Variants in ZNF395 observed in about 807,000 individuals in gnomAD.
The protein encoded by ZNF395 is HD gene regulatory region-binding protein 2.
In ZNF395, 20 loss-of-function variants were observed where a neutral mutation model predicts 57.7. The ratio of observed to expected loss-of-function variants is 0.35; its 90% confidence interval spans 0.24 to 0.50. The LOEUF is 0.50. Ranked by LOEUF, ZNF395 falls within the 20% of genes least tolerant of loss-of-function variation. The probability of loss-of-function intolerance (pLI) is 0.97; values close to 1 mark genes in which losing one functional copy is unlikely to be tolerated. For synonymous variants in ZNF395, 295 were observed against 275.9 expected, an observed-to-expected ratio of 1.07 and a Z score of -0.69; for missense variants, 606 against 671.2, an observed-to-expected ratio of 0.90 and a Z score of 1.07.
chr8:28,349,094 A>AGAAGGCAGGG (rs773704945), intron 9 of ZNF395, 31 bp downstream of exon 9: 1 of 1,554,060 alleles, frequency 6.4e-7, no homozygotes, highest in Non-Finnish European at 8.7e-7. Context: ...CACAGAAACC[A>AGAAGGCAGGG]GAAGGCAGGG....
chr8:28,384,501 G>C (rs1020899639), intron 1 of ZNF395, among the ~76,000 whole-genome samples: 7 of 151,994 alleles, frequency 4.6e-5, no homozygotes, highest in African/African-American at 1.7e-4. Context: ...CCCTCTCTTG[G>C]CGTCTGATTT....
chr8:28,371,801 C>T (rs1801979766), intron 1 of ZNF395, among the ~76,000 whole-genome samples: 1 of 152,192 alleles, frequency 6.6e-6, no homozygotes, highest in African/African-American at 2.4e-5. Context: ...GTAATCCCAG[C>T]ACTTTGGGAG....
Position 28,350,074 on chromosome 8 carries a change from G to C in ZNF395, c.1316C>G (p.Ser439Cys), listed in dbSNP as rs1261631905. The C allele has an allele frequency of 3.1e-6, 5 of 1,602,736 alleles. No homozygotes were observed. Among genetic ancestry groups the C allele is most frequent in the Non-Finnish European group, 4.2e-6 (5 of 1,176,754 alleles). The change falls in exon 8 of 10, where the codon TCT becomes TGT. Residue 439 changes from serine to cysteine, a missense_variant. This residue lies in a region of ZNF395 where 261 missense variants were observed against 240.3 expected (regional missense o/e 1.09). Transcript: ENST00000344423. ...SWAAAPSAAC[S>C]LSPVRSRSLS... ...TGCCCGCACACTCACCGGAGAGAGA[G>C]AGCAGGCGGCGGAGGGGGCAGCAGC... is the stretch of plus-strand genomic sequence containing the variant.
Position 28,347,716 on chromosome 8 carries a change from G to A in ZNF395, c.*1003C>T, listed in dbSNP as rs975395166. On this transcript the variant is annotated 3_prime_UTR_variant, in exon 10 of 10. Coordinates refer to ENST00000344423, the MANE Select transcript of ZNF395 (RefSeq NM_018660.3). ...GGGGAAATCCCTGGTGGGGCCAGGA[G>A]ACAGAAAGGAACCTCCAGAACCTCC... is the stretch of plus-strand genomic sequence containing the variant. 2 of 152,294 alleles carry A rather than the reference G, an allele frequency of 1.3e-5. No homozygotes were observed. Among genetic ancestry groups the A allele is most frequent in the African/African-American group, 4.8e-5 (2 of 41,448 alleles). The allele number at this position is 152,294 out of a possible 1,614,324, so 9.4% of individuals were successfully genotyped here.
At chr8:28,382,238 G>T (rs1184567710) in intron 1 of ZNF395, among the ~76,000 whole-genome samples, 1 of 152,090 alleles carries the variant, frequency 6.6e-6, no homozygotes, top group Non-Finnish European at 1.5e-5. Context: ...CTTTAAAAGA[G>T]CTGCAAATCC....
In ZNF395 at chr8:28,374,481, T is replaced by TA. The variant is rs56991995; in HGVS notation, c.-59+11911dup. On this transcript the variant is annotated intron_variant, in intron 1 of 9. Transcript: ENST00000344423. ...GAAATTTTCATTTAAATTTTTTTTT[T>TA]AAAAAGAAAAGAAACAGTCCCTGTT... Among the ~76,000 whole-genome samples the TA allele has an allele frequency of 2.0e-3, 303 of 151,770 alleles. 2 individuals are homozygous for TA. Among genetic ancestry groups the TA allele is most frequent in the African/African-American group, 6.6e-3 (273 of 41,312 alleles).
chr8:28,369,406 C>T (rs760221347), intron 1 of ZNF395, among the ~76,000 whole-genome samples: 22 of 152,152 alleles, frequency 1.4e-4, no homozygotes, highest in Non-Finnish European at 2.6e-4. Context: ...CTGGAATTAA[C>T]ATGTCATAAA....
chr8:28,371,775 G>A (rs1206288893), intron 1 of ZNF395, among the ~76,000 whole-genome samples: 10 of 152,170 alleles, frequency 6.6e-5, no homozygotes, highest in Non-Finnish European at 1.2e-4. Flanking sequence ...CCGGCTGGGC[G>A]CAGTGACTCA....
chr8:28,353,174 T>C lies in ZNF395; in HGVS notation c.818A>G (p.Lys273Arg). The C allele has an allele frequency of 6.2e-7, 1 of 1,613,732 alleles. No individual in the cohort carries two copies. Among genetic ancestry groups the C allele is most frequent in the Non-Finnish European group, 8.5e-7 (1 of 1,179,998 alleles). ...CCCACTCACACCACAATCACGTACCTTTCTTTTTCGTGGAGCTGGTTCGTC... is the reference window on the plus strand; with the variant it reads ...CCCACTCACACCACAATCACGTACCCTTCTTTTTCGTGGAGCTGGTTCGTC... ...LLDEPAPRKR[K>R]NSVKVMYKCL... The change falls in exon 5 of 10, where the codon AAG becomes AGG. Residue 273 changes from lysine to arginine, a missense_variant and splice_region_variant. By Grantham distance (26) the Lys-to-Arg change is conservative. Transcript: ENST00000344423.
At chr8:28,369,024 T>C (rs796289620) in intron 1 of ZNF395, among the ~76,000 whole-genome samples, 5 of 152,094 alleles carry the variant, frequency 3.3e-5, no homozygotes, top group African/African-American at 1.2e-4. Flanking sequence ...TTGGTAGAGA[T>C]GGGGTTTCAC....
chr8:28,383,864 A>T (rs545005302), intron 1 of ZNF395, among the ~76,000 whole-genome samples: 110 of 152,150 alleles, frequency 7.2e-4, no homozygotes, highest in African/African-American at 2.6e-3. Context: ...AGCCACAAGA[A>T]ACTTCTCTAT....
At chr8:28,376,869 A>T (rs968770471) in intron 1 of ZNF395, among the ~76,000 whole-genome samples, 1 of 152,242 alleles carries the variant, frequency 6.6e-6, no homozygotes, top group African/African-American at 2.4e-5. Flanking sequence ...TTGTTAAGTC[A>T]GCGCACCCCA....
At chr8:28,385,109 C>T (rs1157734830) in intron 1 of ZNF395, 2 of 152,252 alleles carry the variant, frequency 1.3e-5, no homozygotes, top group African/African-American at 4.8e-5. Flanking sequence ...GTGTACTTTT[C>T]TAGAAAGGGG....
rs1186430887 is a variant in ZNF395 at position 28,346,338 on chromosome 8, C to T, written c.*2381G>A. ...GGGTCGGTTCCCAAGCCACCCTCAC[C>T]CTCCAAGAAGGCATGAATGGAACAA... On this transcript the variant is annotated 3_prime_UTR_variant, in exon 10 of 10. Coordinates refer to ENST00000344423, the MANE Select transcript of ZNF395 (RefSeq NM_018660.3). 1 of 151,996 alleles carries T rather than the reference C, an allele frequency of 6.6e-6. No individual in the cohort carries two copies. The highest frequency in any genetic ancestry group is 1.5e-5 in the Non-Finnish European group (1 of 68,014). The allele number at this position is 151,996 out of a possible 1,614,324, so 9.4% of individuals were successfully genotyped here. A position where few individuals can be genotyped will look rare whatever the true frequency, so the allele number is the denominator to read the frequency against.
At chr8:28,383,550 A>G (rs1802135591) in intron 1 of ZNF395, among the ~76,000 whole-genome samples, 2 of 152,186 alleles carry the variant, frequency 1.3e-5, no homozygotes, top group African/African-American at 4.8e-5. Context: ...CGAGATTAGA[A>G]GAATCAACAG....
rs1801829327 is a variant in ZNF395, at chr8:28,359,979, T to C, written c.241-155A>G. Among the ~76,000 whole-genome samples, 2 of 152,144 alleles carry C rather than the reference T, an allele frequency of 1.3e-5. No individual in the cohort carries two copies. Among genetic ancestry groups the C allele is most frequent in the Admixed American group, 1.3e-4 (2 of 15,274 alleles). ...TATTCAAGCAGATGTTCCCAGGTAC[T>C]CGCTTCCCACCTGAGCACCCACACA... On this transcript the variant is annotated intron_variant, in intron 2 of 9. Coordinates refer to ENST00000344423, the MANE Select transcript of ZNF395 (RefSeq NM_018660.3). The surrounding 1 kb of genome is among the most constrained non-coding windows in gnomAD (Gnocchi z 4.7).
chr8:28,373,439 G>A (rs1253548820), intron 1 of ZNF395, among the ~76,000 whole-genome samples: 2 of 152,152 alleles, frequency 1.3e-5, no homozygotes, highest in African/African-American at 2.4e-5. Flanking sequence ...TAACAGCCAC[G>A]TGGCCGCATT....
At chr8:28,350,204 C>A in intron 7 of ZNF395, 48 bp from the exon 8 acceptor site, 2 of 1,498,780 alleles carry the variant, frequency 1.3e-6, no homozygotes, top group South Asian at 2.4e-5. Context: ...AGGAAGTGTT[C>A]AGAGTCTGCC....
rs933123330 is a variant in ZNF395 at position 28,356,648 on chromosome 8, C to T, written c.583+22G>A. On this transcript the variant is annotated intron_variant, in intron 4 of 9. Coordinates refer to ENST00000344423, the MANE Select transcript of ZNF395 (RefSeq NM_018660.3). This position sits in a 1 kb window ranked among gnomAD's most constrained non-coding sequence, Gnocchi z 4.0. The stretch of plus-strand genomic sequence containing the variant: ...GTGGGCCTCTACCATGCCCAGAACC[C>T]AGCTGGGCCCCGCTTGCTCACCAGA... The T allele has an allele frequency of 1.3e-6, 2 of 1,597,956 alleles. No individual in the cohort carries two copies. The highest frequency in any genetic ancestry group is 8.6e-7 in the Non-Finnish European group (1 of 1,166,272).
Sources: allele counts gnomAD v4.1 joint callset (sites outside exome capture counted in the v4.1 genomes callset), GRCh38; gene constraint gnomAD v4.1.1; regional missense constraint gnomAD v4.1.1; non-coding constraint Gnocchi (gnomAD v3.1); transcripts MANE v1.5; gene names NCBI Gene and HGNC (gene_info 2026-07-23, HGNC 2026-07-21).